WDR33: variants seen among roughly 807,000 people sequenced by gnomAD.
WDR33 encodes WD repeat domain 33.
In WDR33, 47 loss-of-function variants were observed where a neutral mutation model predicts 164.9. The ratio of observed to expected loss-of-function variants is 0.29; its 90% CI spans 0.23 to 0.36. The LOEUF (loss-of-function observed/expected upper bound fraction) is 0.36, where lower values mean the gene tolerates loss of function less well. Ranked by LOEUF, WDR33 falls within the 10% of genes least tolerant of loss-of-function variation. WDR33 has a pLI of 1.00. For synonymous variants in WDR33, 505 were observed against 589.0 expected (o/e 0.86, Z 2.06); for missense variants, 1,137 against 1,754.1 (o/e 0.65, Z 6.28).
chr2:127,777,065 A>C (rs1688209353), intron 1 of WDR33, among the ~76,000 whole-genome samples: 1 of 152,230 alleles, frequency 6.6e-6, no homozygotes, highest in Admixed American at 6.5e-5. Flanking sequence ...AGGAGGGTGC[A>C]AGAGAGAGGA....
chr2:127,775,417 G>A (rs1688155014), intron 1 of WDR33, among the ~76,000 whole-genome samples: 1 of 152,172 alleles, frequency 6.6e-6, no homozygotes, highest in South Asian at 2.1e-4. Flanking sequence ...TCAAACTCCT[G>A]ACCTCAGGTG....
chr2:127,715,088 CTTTTTTTTTTTT>C (rs386391178), intron 17 of WDR33, among the ~76,000 whole-genome samples: 2 of 108,580 alleles, frequency 1.8e-5, no homozygotes, highest in African/African-American at 7.5e-5. Flanking sequence ...TTCTTTGTTT[CTTTTTTTTTTTT>C]TTTTTTTTTT....
Position 127,765,288 on chromosome 2 carries a change from C to T in WDR33, c.379-19G>A, listed in dbSNP as rs1324846337. 10 of 1,582,030 alleles carry T rather than the reference C, an allele frequency of 6.3e-6. No homozygotes were observed. The African/African-American group carries it at 9.5e-5, about 15-fold the overall frequency. On this transcript the variant is annotated intron_variant, in intron 4 of 21. Transcript: ENST00000322313. ...GAGTCCACTAAGGGAGAAAAAAAGACAGGTTATACATCCTCCAACTTCACT... is the reference window on the plus strand; with the variant it reads ...GAGTCCACTAAGGGAGAAAAAAAGATAGGTTATACATCCTCCAACTTCACT...
chr2:127,756,421 C>T (rs762840179), intron 7 of WDR33, among the ~76,000 whole-genome samples: 18 of 151,004 alleles, frequency 1.2e-4, no homozygotes, highest in Non-Finnish European at 2.4e-4. Context: ...ATACTCCCCT[C>T]GTTGACAAAA....
intron 1 of WDR33, among the ~76,000 whole-genome samples, chr2:127,800,932 A>C (rs1689215141): frequency 6.6e-6 from 1 of 152,052 alleles, no homozygotes; most frequent in South Asian, 2.1e-4. Flanking sequence ...CTGAAACTCA[A>C]TGATAGCTGT....
chr2:127,729,601 T>C (rs189821231), intron 7 of WDR33, among the ~76,000 whole-genome samples: 2,167 of 152,092 alleles, frequency 0.014, 64 homozygotes, highest in African/African-American at 0.05. Flanking sequence ...GTTCAAGCGA[T>C]TCTCCTGCCT....
At chr2:127,751,589 A>T (rs1361569591) in intron 7 of WDR33, among the ~76,000 whole-genome samples, 1 of 151,954 alleles carries the variant, frequency 6.6e-6, no homozygotes, top group Admixed American at 6.6e-5. Context: ...GAATACACTT[A>T]AAAAAGATAC....
intron 1 of WDR33, among the ~76,000 whole-genome samples, chr2:127,779,201 C>T (rs1389440277): frequency 2.7e-5 from 4 of 150,360 alleles, no homozygotes; most frequent in Non-Finnish European, 4.4e-5. Context: ...AGGGTGGTGG[C>T]TCATGCCTGT....
Position 127,741,014 on chromosome 2 carries a change from GTCAGTGACAAAGGTTGTGGCAAAGGC to G in WDR33, c.725-14263_725-14238del, listed in dbSNP as rs1232783232. Among the ~76,000 whole-genome samples, 7 of 152,214 alleles carry G rather than the reference GTCAGTGACAAAGGTTGTGGCAAAGGC, an allele frequency of 4.6e-5. No individual in the cohort carries two copies. Among genetic ancestry groups the G allele is most frequent in the Non-Finnish European group, 1.0e-4 (7 of 68,038 alleles). ...AACCCAAAATACATAGACTGTAGTT[GTCAGTGACAAAGGTTGTGGCAAAGGC>G]TCAGTGACAAAGGCTGTGATGAAGT... On this transcript the variant is annotated intron_variant, in intron 7 of 21. Transcript: ENST00000322313. The surrounding 1 kb of genome is among the most constrained non-coding windows in gnomAD (Gnocchi z 4.1).
chr2:127,739,745 C>T (rs935015901), intron 7 of WDR33, among the ~76,000 whole-genome samples: 1 of 152,224 alleles, frequency 6.6e-6, no homozygotes, highest in Non-Finnish European at 1.5e-5. Flanking sequence ...TGAAAAAGTT[C>T]ACCATGGGGA....
rs748395853 is a variant in WDR33, at chr2:127,769,408, G to A, written c.205-407C>T. On this transcript the variant is annotated intron_variant, in intron 2 of 21. Transcript: ENST00000322313. ...ATGGTGCCACTGCACTCCAGCCTGC[G>A]CAACAGAGCGAGATTCCATCTCAAA... 2.6e-5 allele frequency among the ~76,000 whole-genome samples: 4 copies of A among 151,932 alleles called. No homozygotes were observed. In the East Asian group the frequency reaches 5.8e-4, roughly 22 times the overall value.
intron 1 of WDR33, among the ~76,000 whole-genome samples, chr2:127,785,224 A>G (rs1688519215): frequency 6.6e-6 from 1 of 152,186 alleles, no homozygotes; most frequent in African/African-American, 2.4e-5. Flanking sequence ...AAGTTCCCAT[A>G]CATTCTCTCT....
chr2:127,705,573 T>C lies in WDR33; in HGVS notation c.*750A>G, dbSNP rs1344083234. The C allele has an allele frequency of 3.9e-5, 6 of 152,234 alleles. No individual in the cohort carries two copies. The highest frequency in any genetic ancestry group is 1.4e-4 in the African/African-American group (6 of 41,468). The allele number at this position is 152,234 out of a possible 1,614,324, so 9.4% of individuals were successfully genotyped here. A position where few individuals can be genotyped will look rare whatever the true frequency, so the allele number is the denominator to read the frequency against. ...TCATCATAACAAGGCGATTCAAACC[T>C]AAACTGTGATTCTTAGGAGATGCTT... is the stretch of plus-strand genomic sequence containing the variant. On this transcript the variant is annotated 3_prime_UTR_variant, in exon 22 of 22. Transcript: ENST00000322313. This position sits in a 1 kb window ranked among gnomAD's most constrained non-coding sequence, Gnocchi z 4.5.
rs1055045856 is a variant in WDR33 at position 127,716,589 on chromosome 2, C to G, written c.2869+566G>C. Among the ~76,000 whole-genome samples, 1 of 152,196 alleles carries G rather than the reference C, an allele frequency of 6.6e-6. No homozygotes were observed. Among genetic ancestry groups the G allele is most frequent in the Non-Finnish European group, 1.5e-5 (1 of 68,026 alleles). On this transcript the variant is annotated intron_variant, in intron 17 of 21. Coordinates refer to ENST00000322313, the MANE Select transcript of WDR33 (RefSeq NM_018383.5). The surrounding 1 kb of genome is among the most constrained non-coding windows in gnomAD (Gnocchi z 4.5). ...GGTGCCCTGCGTGCTCTCCTTCAAC[C>G]CTTAGGATTAACTCTAAACTTCCAA...
chr2:127,775,196 A>AT (rs1558949497), intron 1 of WDR33, among the ~76,000 whole-genome samples: 8 of 151,964 alleles, frequency 5.3e-5, no homozygotes, highest in African/African-American at 1.9e-4. Flanking sequence ...TAAAAAAAAA[A>AT]ATTTTTTTTT....
intron 7 of WDR33, among the ~76,000 whole-genome samples, chr2:127,728,277 T>C (rs1272532618): frequency 6.6e-6 from 1 of 152,206 alleles, no homozygotes; most frequent in East Asian, 1.9e-4. Flanking sequence ...CTATAGATGA[T>C]TTAATGGCAT....
At chr2:127,791,296 T>C (rs1224090208) in intron 1 of WDR33, among the ~76,000 whole-genome samples, 1 of 151,810 alleles carries the variant, frequency 6.6e-6, no homozygotes, top group Admixed American at 6.6e-5. Context: ...AGTACTGTGA[T>C]TACAGACATG....
rs1686429276 is a variant in WDR33, at chr2:127,721,178, G to A, written c.1671+658C>T. Among the ~76,000 whole-genome samples the A allele has an allele frequency of 6.6e-6, 1 of 152,074 alleles. No individual in the cohort carries two copies. Among genetic ancestry groups the A allele is most frequent in the Non-Finnish European group, 1.5e-5 (1 of 68,018 alleles). On this transcript the variant is annotated intron_variant, in intron 15 of 21. Transcript: ENST00000322313. The surrounding 1 kb of genome is among the most constrained non-coding windows in gnomAD (Gnocchi z 4.9). ...GCTGGAGTGCAGTGGTACGATCTCG[G>A]CTCACTGAAACTTCTGCCTCTGGAG...
In WDR33 at chr2:127,701,498, G is replaced by C. The variant is rs1685875712; in HGVS notation, c.*4825C>G. 3.1e-6 allele frequency: 4 copies of C among 1,278,214 alleles called. No individual in the cohort carries two copies. Among genetic ancestry groups the C allele is most frequent in the South Asian group, 2.7e-5 (1 of 36,850 alleles). 79.2% of individuals were successfully genotyped at this position (1,278,214 alleles called of 1,614,324 possible). ...AGCGGAGGGCCGGAAGTGAGCCGCAGCTTTTCCTTTCTGCCACCGCCTTGT... is the reference window on the plus strand; with the variant it reads ...AGCGGAGGGCCGGAAGTGAGCCGCACCTTTTCCTTTCTGCCACCGCCTTGT... On this transcript the variant is annotated 3_prime_UTR_variant, in exon 22 of 22. Transcript: ENST00000322313.
Sources: allele counts gnomAD v4.1 joint callset (sites outside exome capture counted in the v4.1 genomes callset), GRCh38; gene constraint gnomAD v4.1.1; non-coding constraint Gnocchi (gnomAD v3.1); transcripts MANE v1.5; gene names NCBI Gene and HGNC (gene_info 2026-07-23, HGNC 2026-07-21).